Variants in MAGI1 observed in about 807,000 individuals in gnomAD.
The protein encoded by MAGI1 is membrane-associated guanylate kinase, WW and PDZ domain-containing protein 1.
In MAGI1, 58 loss-of-function variants were observed where a neutral mutation model predicts 139.9. That is an observed-to-expected ratio of 0.41 (90% confidence interval 0.34 to 0.52). The LOEUF (loss-of-function observed/expected upper bound fraction) is 0.52, where lower values mean the gene tolerates loss of function less well. MAGI1 is among the 20% of genes least tolerant of loss of function. The pLI, the probability that MAGI1 is intolerant of heterozygous loss-of-function variation, is 0.12. For synonymous variants in MAGI1, 812 were observed against 737.9 expected, an observed-to-expected ratio of 1.10 and a Z score of -1.63; for missense variants, 1,874 against 1,901.6, an observed-to-expected ratio of 0.99 and a Z score of 0.27.
chr3:65,564,718 A>T (rs780715724), intron 2 of MAGI1, among the ~76,000 whole-genome samples: 34 of 152,236 alleles, frequency 2.2e-4, no homozygotes, highest in Non-Finnish European at 3.8e-4. Flanking sequence ...CGATGTCCTA[A>T]CAGTACTCTA....
chr3:65,924,751 T>C (rs974120580), intron 1 of MAGI1: 1 of 152,486 alleles, frequency 6.6e-6, no homozygotes, highest in Non-Finnish European at 1.5e-5. Flanking sequence ...AGTTTTCTTA[T>C]ATATCAAATG....
chr3:65,751,896 G>T (rs1343084201), intron 1 of MAGI1, among the ~76,000 whole-genome samples: 1 of 152,096 alleles, frequency 6.6e-6, no homozygotes, highest in East Asian at 1.9e-4. Context: ...TCTTATGGAA[G>T]AACTTTTTAA....
At chr3:65,498,417 A>C (rs13061949) in intron 2 of MAGI1, among the ~76,000 whole-genome samples, 41,492 of 152,008 alleles carry the variant, frequency 0.27, 6,248 homozygotes, top group African/African-American at 0.39. Flanking sequence ...TAATAAGCAC[A>C]GCGTCCAACC....
intron 2 of MAGI1, among the ~76,000 whole-genome samples, chr3:65,501,621 A>G (rs998992418): frequency 5.9e-5 from 9 of 152,214 alleles, no homozygotes; most frequent in Non-Finnish European, 1.3e-4. Context: ...ACAAAATGGT[A>G]CAACCATTTG....
At position 65,933,065 on chromosome 3, in the gene MAGI1, C is replaced by T. The variant is rs192371064; in HGVS notation, c.313+104931G>A. ...GCATTCAGGGAAGCTTACAGTTATA[C>T]TTGTTTCAATAAGTATTTTGTTTAA... is the stretch of plus-strand genomic sequence containing the variant. On this transcript the variant is annotated intron_variant, in intron 1 of 22. Transcript: ENST00000402939. Among the ~76,000 whole-genome samples the T allele has an allele frequency of 7.9e-5, 12 of 152,322 alleles. No homozygotes were observed. The South Asian group carries it at 8.3e-4, about 11-fold the overall frequency.
At chr3:65,709,947 C>A (rs1485563573) in intron 1 of MAGI1, among the ~76,000 whole-genome samples, 1 of 152,166 alleles carries the variant, frequency 6.6e-6, no homozygotes, top group Non-Finnish European at 1.5e-5. Flanking sequence ...AGAAACACTG[C>A]ATCCCAAACC....
Position 65,471,788 on chromosome 3 carries a change from A to G in MAGI1, c.758-1304T>C, listed in dbSNP as rs554865317. On this transcript the variant is annotated intron_variant, in intron 4 of 22. Coordinates refer to ENST00000402939, the MANE Select transcript of MAGI1 (RefSeq NM_001033057.2). ...ACATGATCTAAGGCAAACAAATTTGAATGTCAGACATGGAAGATTTACTGG... is the reference window on the plus strand; with the variant it reads ...ACATGATCTAAGGCAAACAAATTTGGATGTCAGACATGGAAGATTTACTGG... 6.6e-5 allele frequency among the ~76,000 whole-genome samples: 10 copies of G among 152,280 alleles called. No individual in the cohort carries two copies. The South Asian group carries it at 2.1e-3, about 32-fold the overall frequency.
At chr3:65,965,758 C>G (rs986301154) in intron 1 of MAGI1, among the ~76,000 whole-genome samples, 1 of 152,012 alleles carries the variant, frequency 6.6e-6, no homozygotes, top group Non-Finnish European at 1.5e-5. Flanking sequence ...ACCTCCATCT[C>G]CCAAGTTCAA....
At position 65,988,687 on chromosome 3, in the gene MAGI1, G is replaced by C. The variant is rs78482896; in HGVS notation, c.313+49309C>G. 4.4e-3 allele frequency among the ~76,000 whole-genome samples: 667 copies of C among 152,306 alleles called. 3 individuals carry two copies. The highest frequency in any genetic ancestry group is 0.015 in the African/African-American group (628 of 41,562). The stretch of plus-strand genomic sequence containing the variant: ...TTCAAGCACTAAGATGAGCCCAGCT[G>C]TCTCATTCTGAGGACAATCAACAGT... On this transcript the variant is annotated intron_variant, in intron 1 of 22. Coordinates refer to ENST00000402939, the MANE Select transcript of MAGI1 (RefSeq NM_001033057.2).
intron 1 of MAGI1, among the ~76,000 whole-genome samples, chr3:65,846,635 A>G (rs1456425468): frequency 6.6e-6 from 1 of 152,182 alleles, no homozygotes; most frequent in African/African-American, 2.4e-5. Context: ...CTCTGTAAAA[A>G]TATGTGCTTT....
chr3:65,603,824 G>T (rs139239631), intron 2 of MAGI1, among the ~76,000 whole-genome samples: 1 of 152,154 alleles, frequency 6.6e-6, no homozygotes, highest in Non-Finnish European at 1.5e-5. Context: ...CCAAGATGGC[G>T]CCCTGTTACA....
chr3:65,375,314 G>A (rs1013372805), intron 18 of MAGI1, among the ~76,000 whole-genome samples: 1 of 151,024 alleles, frequency 6.6e-6, no homozygotes, highest in Non-Finnish European at 1.5e-5. Context: ...TCAGCCTCCC[G>A]AGCAGCTGGG....
chr3:65,780,447 G>A (rs184591811), intron 1 of MAGI1, among the ~76,000 whole-genome samples: 1 of 152,256 alleles, frequency 6.6e-6, no homozygotes, highest in Non-Finnish European at 1.5e-5. Flanking sequence ...TATAACCACA[G>A]TACTAAGGAG....
intron 11 of MAGI1, 94 bp from the exon 12 acceptor site, chr3:65,430,234 A>T: frequency 1.1e-5 from 14 of 1,266,074 alleles, no homozygotes; most frequent in Non-Finnish European, 1.6e-5. Context: ...AGCTGAACTG[A>T]AACTGCATGT....
chr3:65,773,297 C>G (rs998262219), intron 1 of MAGI1, among the ~76,000 whole-genome samples: 10 of 152,028 alleles, frequency 6.6e-5, no homozygotes, highest in Non-Finnish European at 7.4e-5. Flanking sequence ...CTTTGGAAAG[C>G]TGAGGCAGGA....
intron 4 of MAGI1, 29 bp from the exon 5 acceptor site, chr3:65,470,513 G>C (rs922206540): frequency 2.1e-5 from 29 of 1,377,392 alleles, no homozygotes; most frequent in Non-Finnish European, 2.6e-5. Context: ...AGGTGAGAGA[G>C]AGAGAGAGAG....
chr3:66,029,613 T>C (rs1404408292), intron 1 of MAGI1, among the ~76,000 whole-genome samples: 1 of 152,198 alleles, frequency 6.6e-6, no homozygotes, highest in Non-Finnish European at 1.5e-5. Context: ...GGGGCTGCCT[T>C]AGACACACAG....
At chr3:65,807,499 G>C (rs1316823332) in intron 1 of MAGI1, among the ~76,000 whole-genome samples, 1 of 152,118 alleles carries the variant, frequency 6.6e-6, no homozygotes, top group African/African-American at 2.4e-5. Flanking sequence ...CGATTCCGGG[G>C]CAGGAGAGGG....
At chr3:65,707,373 C>T (rs952637662) in intron 1 of MAGI1, among the ~76,000 whole-genome samples, 43 of 152,236 alleles carry the variant, frequency 2.8e-4, no homozygotes, top group African/African-American at 9.6e-4. Flanking sequence ...GCACTTTGGA[C>T]GTGCAGCCTC....
Sources: gnomAD v4.1 joint callset for allele counts (sites outside exome capture counted in the v4.1 genomes callset) on GRCh38, gnomAD v4.1.1 for gene constraint, MANE v1.5 for transcripts, NCBI Gene and HGNC (gene_info 2026-07-23, HGNC 2026-07-21) for gene names.